The following ARHGEF17 variants were observed in gnomAD, a reference collection of about 807,000 sequenced individuals.
ARHGEF17 encodes the protein 164 kDa Rho-specific guanine-nucleotide exchange factor.
A neutral mutation model predicts 174.0 loss-of-function variants in ARHGEF17; 80 were observed. That is an observed-to-expected ratio of 0.46 (90% CI 0.38 to 0.55). The LOEUF (loss-of-function observed/expected upper bound fraction) is 0.55. ARHGEF17 is among the 20% of genes least tolerant of loss of function. ARHGEF17 has a pLI of 0.00. For missense variants in ARHGEF17, 2,886 were observed against 2,839.7 expected, an observed-to-expected ratio of 1.02 and a Z score of -0.37; for synonymous variants, 1,311 against 1,189.1, an observed-to-expected ratio of 1.10 and a Z score of -2.11.
rs544635915 is a variant in ARHGEF17, at chr11:73,310,326, C to T, written c.1688C>T (p.Ala563Val). ...PMARRLPRTS[A>V]LKSSSSELLL... Reference sequence around the variant, plus strand: ...GCCCGCCGCCTGCCCCGCACCAGTGCTCTGAAGTCCAGCTCCTCCGAGCTC... The same window carrying T: ...GCCCGCCGCCTGCCCCGCACCAGTGTTCTGAAGTCCAGCTCCTCCGAGCTC... The change falls in exon 1 of 21, where the codon GCT (alanine) becomes GTT (valine). Residue 563 changes from alanine (A) to valine (V), a missense_variant. Coordinates refer to ENST00000263674, the MANE Select transcript of ARHGEF17 (RefSeq NM_014786.4). 85 of 1,613,856 alleles carry T rather than the reference C, an allele frequency of 5.3e-5. 1 individual carries two copies. Among genetic ancestry groups the T allele is most frequent in the South Asian group, 3.2e-4 (29 of 91,090 alleles).
rs766631463 is a variant in ARHGEF17 at position 73,356,160 on chromosome 11, C to G, written c.3664-15C>G. 6.2e-7 allele frequency: 1 copy of G among 1,613,438 alleles called. No homozygotes were observed. Among genetic ancestry groups the G allele is most frequent in the Middle Eastern group, 1.7e-4 (1 of 6,058 alleles). ...GTAGCTAAGCAGTCAGGTCTGCTCC[C>G]CATTCCCACCCCAGGACCTCCTGAA... On this transcript the variant is annotated splice_polypyrimidine_tract_variant and intron_variant, in intron 5 of 20. Coordinates refer to ENST00000263674, the MANE Select transcript of ARHGEF17 (RefSeq NM_014786.4).
intron 1 of ARHGEF17, among the ~76,000 whole-genome samples, chr11:73,340,125 G>A (rs1865347235): frequency 6.6e-6 from 1 of 152,184 alleles, no homozygotes; most frequent in Non-Finnish European, 1.5e-5. Flanking sequence ...TGCCTGTGCT[G>A]TTATGGGGCC....
intron 1 of ARHGEF17, among the ~76,000 whole-genome samples, chr11:73,324,071 G>A (rs1318246010): frequency 2.6e-5 from 4 of 152,326 alleles, no homozygotes; most frequent in African/African-American, 9.6e-5. Flanking sequence ...CCCCTGGCCA[G>A]GGACTGGTCT....
chr11:73,365,991 T>G lies in ARHGEF17; in HGVS notation c.5995+44T>G, dbSNP rs199959737. 354 of 1,575,416 alleles carry G rather than the reference T, an allele frequency of 2.2e-4. 1 individual carries two copies. In the African/African-American group the frequency reaches 4.4e-3, roughly 19 times the overall value. The stretch of plus-strand genomic sequence containing the variant: ...CCCCAAGCTAGGGATCATGGACATT[T>G]GGTTTAGGACTCCCCACTATCCTGC... On this transcript the variant is annotated intron_variant, in intron 20 of 20. Transcript: ENST00000263674. This position sits in a 1 kb window ranked among gnomAD's most constrained non-coding sequence, Gnocchi z 4.9.
At chr11:73,358,618 C>T (rs1406939123) in intron 9 of ARHGEF17, among the ~76,000 whole-genome samples, 2 of 144,190 alleles carry the variant, frequency 1.4e-5, no homozygotes, top group African/African-American at 3.0e-5. Flanking sequence ...CCACTACGCC[C>T]GGTTAATTTT....
Position 73,365,643 on chromosome 11 carries a change from A to G in ARHGEF17, c.5726-35A>G. ...TAGAGGCGGCTGAGCCAGGGCCAGAATTCAGCCCCAGCTGTGGTCTGTCTC... is the reference window on the plus strand; with the variant it reads ...TAGAGGCGGCTGAGCCAGGGCCAGAGTTCAGCCCCAGCTGTGGTCTGTCTC... On this transcript the variant is annotated intron_variant, in intron 19 of 20. Coordinates refer to ENST00000263674, the MANE Select transcript of ARHGEF17 (RefSeq NM_014786.4). This position sits in a 1 kb window ranked among gnomAD's most constrained non-coding sequence, Gnocchi z 4.9. 6.2e-7 allele frequency: 1 copy of G among 1,608,318 alleles called. No individual in the cohort carries two copies. The highest frequency in any genetic ancestry group is 8.5e-7 in the Non-Finnish European group (1 of 1,175,452).
intron 2 of ARHGEF17, among the ~76,000 whole-genome samples, chr11:73,352,540 C>G (rs1372058955): frequency 6.6e-6 from 1 of 151,662 alleles, no homozygotes; most frequent in Non-Finnish European, 1.5e-5. Context: ...TCAAGGAGCC[C>G]CATCTTGCTT....
chr11:73,357,207 G>C (rs1387935249), intron 8 of ARHGEF17, 35 bp from the exon 9 acceptor site: 10 of 1,613,090 alleles, frequency 6.2e-6, no homozygotes, highest in Non-Finnish European at 7.6e-6. Context: ...CCCACTCCCC[G>C]ACCCTGGCCA....
chr11:73,364,224 T>C lies in ARHGEF17; in HGVS notation c.5386T>C (p.Tyr1796His). Residue 1796 changes from tyrosine to histidine, a missense_variant, in exon 17 of 21, where the codon TAC becomes CAC. This residue lies in a region of ARHGEF17 where 329 missense variants were observed against 435.2 expected (regional missense o/e 0.76). Coordinates refer to ENST00000263674, the MANE Select transcript of ARHGEF17 (RefSeq NM_014786.4). The stretch of plus-strand genomic sequence containing the variant: ...TCTGGCCAATGGAGAGCTTGTGGTC[T>C]ACCAAAGGGAAGCAGGTGAGTATCT... ...VSLANGELVV[Y>H]QREAGHFWDP... is the part of the protein sequence containing the mutation. 6.2e-7 allele frequency: 1 copy of C among 1,614,200 alleles called. No individual in the cohort carries two copies. Among genetic ancestry groups the C allele is most frequent in the South Asian group, 1.1e-5 (1 of 91,080 alleles).
chr11:73,342,100 CGGGAGCACAGTCTAGGGGT>C (rs1402067425), intron 1 of ARHGEF17, among the ~76,000 whole-genome samples: 1 of 149,386 alleles, frequency 6.7e-6, no homozygotes, highest in South Asian at 2.2e-4. Flanking sequence ...AGTCTAGGTA[CGGGAGCACAGTCTAGGGGT>C]GGGAGCACAG....
chr11:73,345,016 C>T (rs902930971), intron 1 of ARHGEF17, among the ~76,000 whole-genome samples: 1 of 152,196 alleles, frequency 6.6e-6, no homozygotes, highest in Non-Finnish European at 1.5e-5. Context: ...GAGGCTGAAG[C>T]AAGACCATGT....
Position 73,360,455 on chromosome 11 carries a change from T to G in ARHGEF17, c.4342T>G (p.Ser1448Ala). Residue 1448 changes from serine (S) to alanine (A), a missense_variant, in exon 11 of 21, where the codon TCC becomes GCC. By Grantham distance (99) the Ser-to-Ala change is moderately conservative. This residue lies in a region of ARHGEF17 where 476 missense variants were observed against 473.1 expected (regional missense o/e 1.01). Coordinates refer to ENST00000263674, the MANE Select transcript of ARHGEF17 (RefSeq NM_014786.4). ...LCATRPEGTDSYIFEFPHPDA... is the reference protein window; with the variant it reads ...LCATRPEGTDAYIFEFPHPDA... ...CGCCACTCGGCCCGAGGGCACCGACTCCTACATTTTTGAGTTCCCTCACCC... is the reference window on the plus strand; with the variant it reads ...CGCCACTCGGCCCGAGGGCACCGACGCCTACATTTTTGAGTTCCCTCACCC... 1.2e-6 allele frequency: 2 copies of G among 1,614,060 alleles called. No homozygotes were observed. The highest frequency in any genetic ancestry group is 1.7e-6 in the Non-Finnish European group (2 of 1,180,046).
chr11:73,310,596 A>T lies in ARHGEF17; in HGVS notation c.1958A>T (p.Glu653Val). The change falls in exon 1 of 21, where the codon GAG becomes GTG. Residue 653 changes from glutamate to valine, a missense_variant. Glu to Val is a moderately radical substitution (Grantham distance 121, BLOSUM62 -2). This residue lies in a region of ARHGEF17 where 1,728 missense variants were observed against 1,461.2 expected (regional missense o/e 1.18). Transcript: ENST00000263674. The part of the protein sequence containing the change: ...LTDEGIGADP[E>V]PPVAAFCGLG... ...GATGAAGGCATTGGGGCAGACCCTG[A>T]GCCTCCTGTTGCAGCATTTTGCGGC... The T allele has an allele frequency of 6.2e-7, 1 of 1,614,102 alleles. No individual in the cohort carries two copies. The highest frequency in any genetic ancestry group is 8.5e-7 in the Non-Finnish European group (1 of 1,180,024).
At chr11:73,331,632 G>A (rs533604517) in intron 1 of ARHGEF17, among the ~76,000 whole-genome samples, 1 of 152,180 alleles carries the variant, frequency 6.6e-6, no homozygotes, top group South Asian at 2.1e-4. Flanking sequence ...GGGGGGGTGC[G>A]GGGGGAGGAG....
intron 4 of ARHGEF17, 59 bp downstream of exon 4, chr11:73,355,708 G>T: frequency 6.4e-7 from 1 of 1,568,440 alleles, no homozygotes; most frequent in East Asian, 2.2e-5. Context: ...AGCTTTGAGG[G>T]CCCCAGGAGC....
intron 1 of ARHGEF17, among the ~76,000 whole-genome samples, chr11:73,326,769 T>G (rs1320703079): frequency 6.6e-6 from 1 of 152,160 alleles, no homozygotes; most frequent in Non-Finnish European, 1.5e-5. Flanking sequence ...TAGTGGAACC[T>G]TTTCTTCTAG....
At chr11:73,329,126 G>A (rs757738147) in intron 1 of ARHGEF17, among the ~76,000 whole-genome samples, 17 of 150,934 alleles carry the variant, frequency 1.1e-4, no homozygotes, top group Non-Finnish European at 2.1e-4. Flanking sequence ...TTCCCACCTG[G>A]CTGCCTATTT....
chr11:73,324,809 C>T (rs1591727800), intron 1 of ARHGEF17, among the ~76,000 whole-genome samples: 1 of 152,194 alleles, frequency 6.6e-6, no homozygotes, highest in Admixed American at 6.5e-5. Flanking sequence ...TGGTCTGAGT[C>T]CCAGGAACCA....
At position 73,311,359 on chromosome 11, in the gene ARHGEF17, C is replaced by G. The variant is rs781215981; in HGVS notation, c.2721C>G (p.Pro907=). The G allele has an allele frequency of 6.2e-7, 1 of 1,613,372 alleles. No homozygotes were observed. Among genetic ancestry groups the G allele is most frequent in the Admixed American group, 1.7e-5 (1 of 60,036 alleles). ...ATAHRNFHLD[P]KLADILSPRL... ...CCCACCGAAACTTTCACCTTGACCC[C>G]AAGCTGGCTGACATTCTGTCCCCGA... The change falls in exon 1 of 21, where the codon CCC becomes CCG. Residue 907 remains proline (P), a synonymous_variant. Transcript: ENST00000263674.
Sources: allele counts gnomAD v4.1 joint callset (sites outside exome capture counted in the v4.1 genomes callset), GRCh38; gene constraint gnomAD v4.1.1; regional missense constraint gnomAD v4.1.1; non-coding constraint Gnocchi (gnomAD v3.1); transcripts MANE v1.5; gene names NCBI Gene and HGNC (gene_info 2026-07-23, HGNC 2026-07-21).